PRR16: variants seen among roughly 807,000 people sequenced by gnomAD.
PRR16 encodes the protein protein Largen.
Under a neutral mutation model 18.2 loss-of-function variants are expected in PRR16, and 6 were observed. The ratio of observed to expected loss-of-function variants is 0.33; its 90% CI spans 0.18 to 0.65. PRR16 has a LOEUF of 0.65. Among genes scored for constraint, PRR16 ranks in the 30% least tolerant of loss-of-function variants. The pLI is 0.74. For synonymous variants in PRR16, 151 were observed against 147.8 expected (o/e 1.02, Z -0.16); for missense variants, 412 against 376.6 (o/e 1.09, Z -0.78).
At chr5:120,722,333 T>C in the PRR16 span, among the ~76,000 whole-genome samples, 4 of 152,000 alleles carry the variant, frequency 2.6e-5, no homozygotes, top group Admixed American at 2.6e-4. Flanking sequence ...AGCATTCTCT[T>C]TAAGAACAAT....
chr5:120,711,607 A>T, the PRR16 span, among the ~76,000 whole-genome samples: 1 of 152,320 alleles, frequency 6.6e-6, no homozygotes, highest in East Asian at 1.9e-4. Flanking sequence ...GATCTGGGCC[A>T]TATAGTCCTA....
Position 120,686,481 on chromosome 5 carries a change from G to A in PRR16, c.687G>A (p.Arg229=). The A allele has an allele frequency of 6.2e-7, 1 of 1,613,942 alleles. No homozygotes were observed. The highest frequency in any genetic ancestry group is 1.1e-5 in the South Asian group (1 of 91,056). ...DCDTRYNIKN[R]EVHLHSEPVH... is the part of the protein sequence containing the mutation. The stretch of plus-strand genomic sequence containing the variant: ...ATACCCGGTATAACATAAAAAACAG[G>A]GAGGTCCACTTACACAGTGAACCTG... The change falls in exon 2 of 2, where the codon AGG becomes AGA. Residue 229 remains arginine (R), a synonymous_variant. Coordinates refer to ENST00000407149, the MANE Select transcript of PRR16 (RefSeq NM_001300783.2).
At position 120,649,839 on chromosome 5, in the gene PRR16, G is replaced by A. The variant is rs116415051; in HGVS notation, c.160-36115G>A. ...TTATTATATTTTTATAAGGCACCCC[G>A]TAATAAATTAAATTATATAACTTAT... On this transcript the variant is annotated intron_variant, in intron 1 of 1. Transcript: ENST00000407149. 8.0e-3 allele frequency among the ~76,000 whole-genome samples: 1,220 copies of A among 152,026 alleles called. 15 individuals carry two copies. Among genetic ancestry groups the A allele is most frequent in the African/African-American group, 0.028 (1,150 of 41,482 alleles).
chr5:120,528,231 G>C (rs1436633952), intron 1 of PRR16, among the ~76,000 whole-genome samples: 2 of 152,122 alleles, frequency 1.3e-5, no homozygotes, highest in Admixed American at 1.3e-4. Context: ...CATCAACCAG[G>C]ACAAAAATAC....
the PRR16 span, among the ~76,000 whole-genome samples, chr5:120,762,790 C>G: frequency 5.3e-5 from 8 of 152,208 alleles, no homozygotes; most frequent in East Asian, 1.4e-3. Context: ...AAAATACTTT[C>G]ATTAGTCTAT....
At chr5:120,769,495 T>C in the PRR16 span, among the ~76,000 whole-genome samples, 1 of 151,924 alleles carries the variant, frequency 6.6e-6, no homozygotes, top group Non-Finnish European at 1.5e-5. Flanking sequence ...TATACCCTAC[T>C]GAACAACTTC....
the PRR16 span, among the ~76,000 whole-genome samples, chr5:120,757,055 G>A: frequency 6.6e-6 from 1 of 152,074 alleles, no homozygotes; most frequent in African/African-American, 2.4e-5. Flanking sequence ...AGCTATACCA[G>A]CACAATTTAT....
the PRR16 span, among the ~76,000 whole-genome samples, chr5:120,733,966 G>C: frequency 1.3e-5 from 2 of 151,866 alleles, no homozygotes; most frequent in Non-Finnish European, 2.9e-5. Flanking sequence ...CCTTACTTAC[G>C]GTGATGTGTG....
chr5:120,674,240 T>C (rs1482507872), intron 1 of PRR16, among the ~76,000 whole-genome samples: 2 of 152,140 alleles, frequency 1.3e-5, no homozygotes, highest in Admixed American at 1.3e-4. Flanking sequence ...GTATATGCTG[T>C]TGTCTCTGCC....
chr5:120,768,187 T>C, the PRR16 span, among the ~76,000 whole-genome samples: 4 of 151,820 alleles, frequency 2.6e-5, no homozygotes, highest in Admixed American at 2.6e-4. Context: ...TTAATACATA[T>C]TTTAATTTTC....
chr5:120,678,587 A>G (rs1756879191), intron 1 of PRR16, among the ~76,000 whole-genome samples: 1 of 152,176 alleles, frequency 6.6e-6, no homozygotes, highest in South Asian at 2.1e-4. Context: ...GTAGTAATAA[A>G]AGGACAAAGC....
intron 1 of PRR16, among the ~76,000 whole-genome samples, chr5:120,618,780 T>C (rs1189814265): frequency 6.6e-6 from 1 of 151,958 alleles, no homozygotes; most frequent in Non-Finnish European, 1.5e-5. Flanking sequence ...ATTATGTGAA[T>C]TCACCTCGAA....
intron 1 of PRR16, among the ~76,000 whole-genome samples, chr5:120,594,729 A>G (rs1459746941): frequency 6.6e-6 from 1 of 152,170 alleles, no homozygotes; most frequent in Non-Finnish European, 1.5e-5. Context: ...TACAGTAGCC[A>G]AAACAGCATG....
the PRR16 span, among the ~76,000 whole-genome samples, chr5:120,751,261 T>A: frequency 6.6e-6 from 1 of 152,166 alleles, no homozygotes; most frequent in Non-Finnish European, 1.5e-5. Context: ...GTGTACATAC[T>A]GATTTATTTT....
chr5:120,690,573 G>T (rs974335981), downstream of PRR16, among the ~76,000 whole-genome samples: 15 of 152,114 alleles, frequency 9.9e-5, no homozygotes, highest in Admixed American at 5.2e-4. Context: ...GCCATATCAC[G>T]AAAGTAGATA....
chr5:120,604,527 G>C (rs1304248598), intron 1 of PRR16, among the ~76,000 whole-genome samples: 1 of 152,064 alleles, frequency 6.6e-6, no homozygotes, highest in Non-Finnish European at 1.5e-5. Context: ...CTTTTGAGTG[G>C]AGTTTTTAGT....
chr5:120,558,493 G>A (rs995747926), intron 1 of PRR16, among the ~76,000 whole-genome samples: 1 of 151,820 alleles, frequency 6.6e-6, no homozygotes, highest in African/African-American at 2.4e-5. Context: ...TATTTTTTGT[G>A]ATTAAATAGT....
the PRR16 span, among the ~76,000 whole-genome samples, chr5:120,707,422 T>A: frequency 4.6e-5 from 7 of 152,174 alleles, no homozygotes; most frequent in African/African-American, 1.7e-4. Flanking sequence ...GTCCCAAAGC[T>A]CTTCTAGATA....
At chr5:120,592,043 G>T (rs968349680) in intron 1 of PRR16, among the ~76,000 whole-genome samples, 2 of 151,410 alleles carry the variant, frequency 1.3e-5, no homozygotes, top group South Asian at 2.1e-4. Context: ...GAATCTTTAT[G>T]TAGCATTTTG....
Sources: gnomAD v4.1 joint callset for allele counts (sites outside exome capture counted in the v4.1 genomes callset) on GRCh38, gnomAD v4.1.1 for gene constraint, MANE v1.5 for transcripts, NCBI Gene and HGNC (gene_info 2026-07-23, HGNC 2026-07-21) for gene names.